The following TENM3 variants were observed in gnomAD, a reference collection of about 807,000 sequenced individuals.
The protein encoded by TENM3 is teneurin-3.
TENM3 carries 63 observed loss-of-function variants against 255.1 expected under a neutral mutation model. That is an observed-to-expected ratio of 0.25 (90% CI 0.20 to 0.30). The LOEUF is 0.30. TENM3 is among the 10% of genes least tolerant of loss of function. The pLI is 1.00. For missense variants in TENM3, 2,929 were observed against 3,461.1 expected, an observed-to-expected ratio of 0.85 and a Z score of 3.86; for synonymous variants, 1,306 against 1,322.3, an observed-to-expected ratio of 0.99 and a Z score of 0.27.
chr4:181,567,420 A>G, the TENM3 span, among the ~76,000 whole-genome samples: 3 of 152,252 alleles, frequency 2.0e-5, no homozygotes, highest in Non-Finnish European at 4.4e-5. Context: ...AATTAGCACT[A>G]TAACACTAAC....
rs1445125686 is a variant in TENM3, at chr4:182,603,760, ATTAT to A, written c.749+2604_749+2607del. On this transcript the variant is annotated intron_variant, in intron 4 of 27. Coordinates refer to ENST00000511685, the MANE Select transcript of TENM3 (RefSeq NM_001080477.4). ...CTAGTGTATTGTTTCATCTTTGGCA[ATTAT>A]TTATATATATATATATATATACACA... 1.5e-3 allele frequency among the ~76,000 whole-genome samples: 138 copies of A among 90,276 alleles called. 2 individuals are homozygous for A. Among genetic ancestry groups the A allele is most frequent in the Middle Eastern group, 6.3e-3 (1 of 160 alleles). The allele number at this position is 90,276 out of a possible 152,430, so 59.2% of individuals were successfully genotyped here.
At chr4:182,374,323 T>C (rs964049826) in intron 3 of TENM3, among the ~76,000 whole-genome samples, 1 of 152,210 alleles carries the variant, frequency 6.6e-6, no homozygotes, top group African/African-American at 2.4e-5. Flanking sequence ...ACTTCGTTGA[T>C]ATCCCTTCTA....
chr4:181,984,067 C>T, the TENM3 span, among the ~76,000 whole-genome samples: 3 of 152,104 alleles, frequency 2.0e-5, no homozygotes, highest in African/African-American at 4.8e-5. Context: ...CATTCTTCTA[C>T]CCCCACTTCC....
At chr4:182,016,826 T>C in the TENM3 span, among the ~76,000 whole-genome samples, 3 of 152,324 alleles carry the variant, frequency 2.0e-5, no homozygotes, top group South Asian at 2.1e-4. Context: ...AGATTGTCTT[T>C]CCAGAATTGA....
chr4:182,645,463 C>G (rs750645069), intron 5 of TENM3, among the ~76,000 whole-genome samples: 1 of 150,724 alleles, frequency 6.6e-6, no homozygotes, highest in Non-Finnish European at 1.5e-5. Context: ...TTGTATAAGT[C>G]AGGAGTAGGC....
the TENM3 span, among the ~76,000 whole-genome samples, chr4:181,541,602 G>T: frequency 6.6e-6 from 1 of 152,122 alleles, no homozygotes; most frequent in Non-Finnish European, 1.5e-5. Flanking sequence ...CAGAGAAGTT[G>T]CTACAGCACA....
the TENM3 span, among the ~76,000 whole-genome samples, chr4:181,925,784 A>T: frequency 6.6e-6 from 1 of 152,186 alleles, no homozygotes; most frequent in African/African-American, 2.4e-5. Flanking sequence ...GGCACTGGAG[A>T]GGGACTGGTG....
chr4:182,704,748 T>A (rs1347680628), intron 12 of TENM3, among the ~76,000 whole-genome samples: 1 of 151,790 alleles, frequency 6.6e-6, no homozygotes, highest in Non-Finnish European at 1.5e-5. Flanking sequence ...TGAAGCAAAT[T>A]TTTGAAAAAG....
chr4:182,680,561 G>C lies in TENM3; in HGVS notation c.1658G>C (p.Cys553Ser). 1 of 1,613,616 alleles carries C rather than the reference G, an allele frequency of 6.2e-7. No homozygotes were observed. The highest frequency in any genetic ancestry group is 1.3e-5 in the African/African-American group (1 of 74,990). Residue 553 changes from cysteine to serine, a missense_variant, in exon 10 of 28, where the codon TGT (cysteine) becomes TCT (serine). By Grantham distance (112) the Cys-to-Ser change is moderately radical (BLOSUM62 -1). This residue lies in a region of TENM3 where 1,608 missense variants were observed against 1,884.4 expected (regional missense o/e 0.85). Coordinates refer to ENST00000511685, the MANE Select transcript of TENM3 (RefSeq NM_001080477.4). Reference protein sequence around the residue: ...DCSRAACPVLCSGNGQYSKGR... With the variant: ...DCSRAACPVLSSGNGQYSKGR... Reference sequence around the variant, plus strand: ...TTCACAGCCGCCTGTCCAGTGTTATGTAGTGGCAACGGGCAGTACTCCAAG... The same window carrying C: ...TTCACAGCCGCCTGTCCAGTGTTATCTAGTGGCAACGGGCAGTACTCCAAG...
the TENM3 span, among the ~76,000 whole-genome samples, chr4:182,027,763 A>G: frequency 1.3e-5 from 2 of 151,978 alleles, no homozygotes; most frequent in Admixed American, 6.6e-5. Flanking sequence ...ATGATGTATC[A>G]CAATGATTGA....
intron 4 of TENM3, among the ~76,000 whole-genome samples, chr4:182,608,187 C>G (rs1748615309): frequency 6.6e-6 from 1 of 152,164 alleles, no homozygotes; most frequent in African/African-American, 2.4e-5. Flanking sequence ...GACATCCTTG[C>G]TACCTGGTGA....
the TENM3 span, among the ~76,000 whole-genome samples, chr4:181,915,330 G>A: frequency 1.3e-5 from 2 of 152,256 alleles, no homozygotes; most frequent in East Asian, 3.9e-4. Flanking sequence ...GATTCAGAAA[G>A]ACTGTATTAG....
chr4:182,165,684 G>T (rs1751656758), intron 1 of TENM3, among the ~76,000 whole-genome samples: 1 of 152,178 alleles, frequency 6.6e-6, no homozygotes. Flanking sequence ...TTCTGTTATT[G>T]CAGCATGCAG....
the TENM3 span, among the ~76,000 whole-genome samples, chr4:181,919,212 G>A: frequency 2.0e-5 from 3 of 152,090 alleles, no homozygotes; most frequent in African/African-American, 4.8e-5. Context: ...CTTAAGGGTA[G>A]CCACCCAAAA....
At chr4:182,397,632 C>A (rs1208412956) in intron 3 of TENM3, among the ~76,000 whole-genome samples, 1 of 152,028 alleles carries the variant, frequency 6.6e-6, no homozygotes, top group Admixed American at 6.6e-5. Flanking sequence ...GGGCTACTAC[C>A]GTAACAAGCA....
At chr4:182,019,468 C>T in the TENM3 span, among the ~76,000 whole-genome samples, 1 of 152,146 alleles carries the variant, frequency 6.6e-6, no homozygotes, top group Non-Finnish European at 1.5e-5. Context: ...AGGTTTAATG[C>T]CAATCCCCTC....
chr4:182,339,974 G>A (rs1055440363), intron 2 of TENM3, among the ~76,000 whole-genome samples: 1 of 151,106 alleles, frequency 6.6e-6, no homozygotes, highest in African/African-American at 2.4e-5. Context: ...TTTTTTTATG[G>A]TTGCCCCATT....
chr4:182,058,638 C>T, the TENM3 span, among the ~76,000 whole-genome samples: 4 of 151,952 alleles, frequency 2.6e-5, no homozygotes, highest in Non-Finnish European at 5.9e-5. Context: ...CTTCTAACAC[C>T]TTTATATATC....
intron 1 of TENM3, among the ~76,000 whole-genome samples, chr4:182,303,231 G>T (rs886449967): frequency 3.9e-5 from 6 of 152,110 alleles, no homozygotes; most frequent in Admixed American, 3.3e-4. Context: ...TCATCACTTA[G>T]TATAGAAATG....
Sources: allele counts gnomAD v4.1 joint callset (sites outside exome capture counted in the v4.1 genomes callset), GRCh38; gene constraint gnomAD v4.1.1; regional missense constraint gnomAD v4.1.1; transcripts MANE v1.5; gene names NCBI Gene and HGNC (gene_info 2026-07-23, HGNC 2026-07-21).